SMARCD2: variants seen among roughly 807,000 people sequenced by gnomAD.
The protein encoded by SMARCD2 is SWI/SNF related BAF chromatin remodeling complex subunit D2.
In SMARCD2, 39 loss-of-function variants were observed where a neutral mutation model predicts 70.4. The observed-to-expected ratio is 0.55, with a 90% CI of 0.43 to 0.72. The LOEUF (loss-of-function observed/expected upper bound fraction) is 0.72. Ranked by LOEUF, SMARCD2 falls within the 30% of genes least tolerant of loss-of-function variation. The pLI, the probability that SMARCD2 is intolerant of heterozygous loss-of-function variation, is 0.00. For missense variants in SMARCD2, 540 were observed against 713.4 expected (o/e 0.76, Z 2.77); for synonymous variants, 249 against 279.4 (o/e 0.89, Z 1.08).
chr17:63,838,521 T>C, intron 1 of SMARCD2: 1 of 1,163,314 alleles, frequency 8.6e-7, no homozygotes, highest in Non-Finnish European at 1.1e-6. Context: ...AAGATTATCC[T>C]GGGAGGCAAG....
Position 63,832,988 on chromosome 17 carries a change from G to A in SMARCD2, c.1546C>T (p.Gln516Ter), listed in dbSNP as rs761422612. Residue 516 changes from glutamine (Q) to a stop codon, truncating the protein, a stop_gained, in exon 13 of 13, where the codon CAG (glutamine) becomes TAG (stop). Coordinates refer to ENST00000448276, the MANE Select transcript of SMARCD2 (RefSeq NM_001098426.2). LOFTEE classifies it high-confidence loss of function. ...TGTTCCAGTTCCTGCCTTCGCTGCT[G>A]CACCTGGAGAAGGGAGAAACCAAGT... ...AVGRHIFAKV[Q>*]QRRQELEQVL... 6.3e-7 allele frequency: 1 copy of A among 1,586,476 alleles called. No homozygotes were observed. Among genetic ancestry groups the A allele is most frequent in the Non-Finnish European group, 8.6e-7 (1 of 1,167,632 alleles).
Position 63,842,471 on chromosome 17 carries a change from C to T in SMARCD2, c.204G>A (p.Ala68=), listed in dbSNP as rs1397573053. 1.3e-5 allele frequency: 16 copies of T among 1,252,660 alleles called. No individual in the cohort carries two copies. Among genetic ancestry groups the T allele is most frequent in the African/African-American group, 1.6e-5 (1 of 63,604 alleles). 77.6% of individuals were successfully genotyped at this position (1,252,660 alleles called of 1,614,324 possible). A position where few individuals can be genotyped will look rare whatever the true frequency, so the allele number is the denominator to read the frequency against. Residue 68 remains alanine (A), a synonymous_variant, in exon 1 of 13, where the codon GCG becomes GCA. Coordinates refer to ENST00000448276, the MANE Select transcript of SMARCD2 (RefSeq NM_001098426.2). ...CCTCCTTGCTCACCTGGTACTGCGC[C>T]GCGGGGCCCGCGGGGCCCATGGGGC... ...AFRPMGPAGP[A]AQYQRPGMSP...
At chr17:63,838,999 C>T (rs543432193) in intron 1 of SMARCD2, 21 of 985,234 alleles carry the variant, frequency 2.1e-5, no homozygotes, top group Middle Eastern at 1.0e-3. Context: ...CAGGGTGGGA[C>T]GGAAGTGTTT....
rs2040224239 is a variant in SMARCD2, at chr17:63,833,632, C to T, written c.1272G>A (p.Leu424=). Residue 424 remains leucine (L), a synonymous_variant, in exon 10 of 13, where the codon CTG becomes CTA. Coordinates refer to ENST00000448276, the MANE Select transcript of SMARCD2 (RefSeq NM_001098426.2). This position sits in a 1 kb window ranked among gnomAD's most constrained non-coding sequence, Gnocchi z 4.3. ...DPLKAQMSNF[L]ASTTNQQEIA... is the part of the protein sequence containing the mutation. ...TCTCCTGCTGATTGGTGGTAGAGGCCAGAAAATTGCTCATTTGGGCCTTCA... is the reference window on the plus strand; with the variant it reads ...TCTCCTGCTGATTGGTGGTAGAGGCTAGAAAATTGCTCATTTGGGCCTTCA... The T allele has an allele frequency of 1.2e-6, 2 of 1,613,862 alleles. No individual in the cohort carries two copies. Among genetic ancestry groups the T allele is most frequent in the African/African-American group, 2.7e-5 (2 of 74,912 alleles).
rs1351496418 is a variant in SMARCD2 at position 63,832,202 on chromosome 17, T to C, written c.*736A>G. ...AACACCAGTCCTCCCAGCCTCCCCA[T>C]TCACCTTACCCTGGCCTCCACATGC... On this transcript the variant is annotated 3_prime_UTR_variant, in exon 13 of 13. Transcript: ENST00000448276. The C allele has an allele frequency of 3.5e-6, 2 of 577,184 alleles. No individual in the cohort carries two copies. Among genetic ancestry groups the C allele is most frequent in the Non-Finnish European group, 6.2e-6 (2 of 322,680 alleles). The allele number at this position is 577,184 out of a possible 1,614,324, so 35.8% of individuals were successfully genotyped here. A position where few individuals can be genotyped will look rare whatever the true frequency, so the allele number is the denominator to read the frequency against.
rs1259811612 is a variant in SMARCD2 at position 63,833,200 on chromosome 17, A to G, written c.1441-30T>C. The G allele has an allele frequency of 6.2e-7, 1 of 1,609,556 alleles. No individual in the cohort carries two copies. The highest frequency in any genetic ancestry group is 8.5e-7 in the Non-Finnish European group (1 of 1,177,168). On this transcript the variant is annotated intron_variant, in intron 11 of 12. Transcript: ENST00000448276. This position sits in a 1 kb window ranked among gnomAD's most constrained non-coding sequence, Gnocchi z 4.3. The stretch of plus-strand genomic sequence containing the variant: ...AAAGAGCCAGGAGGAAAGCCATAGC[A>G]TAATCCCCACCCCTGGGCTAATCCA...
At position 63,832,934 on chromosome 17, in the gene SMARCD2, G is replaced by A. The variant is rs1401897514; in HGVS notation, c.*4C>T. The A allele has an allele frequency of 3.2e-6, 5 of 1,560,748 alleles. No individual in the cohort carries two copies. The highest frequency in any genetic ancestry group is 2.7e-5 in the African/African-American group (2 of 73,350). ...CAGGGCTGGGAAGAAAGATCCCTGA[G>A]CAGTTAGGTCAGGCGAATTCCCAGC... is the stretch of plus-strand genomic sequence containing the variant. On this transcript the variant is annotated 3_prime_UTR_variant, in exon 13 of 13. Coordinates refer to ENST00000448276, the MANE Select transcript of SMARCD2 (RefSeq NM_001098426.2).
At position 63,832,847 on chromosome 17, in the gene SMARCD2, C is replaced by CACCCCAGCCTACGTGTCTGCG. The variant is rs2040209300; in HGVS notation, c.*70_*90dup. 9.4e-7 allele frequency: 1 copy of CACCCCAGCCTACGTGTCTGCG among 1,064,980 alleles called. No individual in the cohort carries two copies. The highest frequency in any genetic ancestry group is 1.6e-5 in the African/African-American group (1 of 63,512). The allele number at this position is 1,064,980 out of a possible 1,614,324, so 66.0% of individuals were successfully genotyped here. The stretch of plus-strand genomic sequence containing the variant: ...GTAGAGGGTGACAGCAGACACTCCT[C>CACCCCAGCCTACGTGTCTGCG]ACCCCAGCCTACGTGTCTGCGGCCC... On this transcript the variant is annotated 3_prime_UTR_variant, in exon 13 of 13. Coordinates refer to ENST00000448276, the MANE Select transcript of SMARCD2 (RefSeq NM_001098426.2).
At position 63,833,208 on chromosome 17, in the gene SMARCD2, C is replaced by T; in HGVS notation, c.1441-38G>A. Reference sequence around the variant, plus strand: ...AGGAGGAAAGCCATAGCATAATCCCCACCCCTGGGCTAATCCACCCTGGGA... The same window carrying T: ...AGGAGGAAAGCCATAGCATAATCCCTACCCCTGGGCTAATCCACCCTGGGA... On this transcript the variant is annotated intron_variant, in intron 11 of 12. Coordinates refer to ENST00000448276, the MANE Select transcript of SMARCD2 (RefSeq NM_001098426.2). The surrounding 1 kb of genome is among the most constrained non-coding windows in gnomAD (Gnocchi z 4.3). 6.2e-7 allele frequency: 1 copy of T among 1,608,848 alleles called. No individual in the cohort carries two copies. The highest frequency in any genetic ancestry group is 8.5e-7 in the Non-Finnish European group (1 of 1,176,250).
chr17:63,838,711 C>T, intron 1 of SMARCD2: 1 of 1,385,824 alleles, frequency 7.2e-7, no homozygotes, highest in South Asian at 1.6e-5. Flanking sequence ...TGTTTGGCAG[C>T]TCTGCCTTGC....
At chr17:63,836,498 C>CGGAA (rs1214342690) in intron 4 of SMARCD2, among the ~76,000 whole-genome samples, 2 of 98,224 alleles carry the variant, frequency 2.0e-5, no homozygotes, top group African/African-American at 4.3e-5. Context: ...GACTCCATCT[C>CGGAA]AGAAAAAAAA....
At chr17:63,836,312 C>A (rs545806938) in intron 4 of SMARCD2, among the ~76,000 whole-genome samples, 39 of 151,762 alleles carry the variant, frequency 2.6e-4, no homozygotes, top group Non-Finnish European at 5.0e-4. Flanking sequence ...AGTTCGAGAC[C>A]AGCCTGGGTA....
Position 63,836,896 on chromosome 17 carries a change from C to T in SMARCD2, c.567+26G>A, listed in dbSNP as rs757812171. ...TGGAAGGCAAGGAAACCTGGGAAGGCTAGAGGTGGTCAGGGCCACACATAC... is the reference window on the plus strand; with the variant it reads ...TGGAAGGCAAGGAAACCTGGGAAGGTTAGAGGTGGTCAGGGCCACACATAC... On this transcript the variant is annotated intron_variant, in intron 4 of 12. Transcript: ENST00000448276. 5.0e-6 allele frequency: 8 copies of T among 1,601,486 alleles called. No individual in the cohort carries two copies. In the East Asian group the frequency reaches 1.1e-4, roughly 22 times the overall value.
chr17:63,832,961 C>T lies in SMARCD2; in HGVS notation c.1573G>A (p.Val525Met). The T allele has an allele frequency of 6.3e-7, 1 of 1,577,410 alleles. No individual in the cohort carries two copies. The highest frequency in any genetic ancestry group is 1.4e-5 in the African/African-American group (1 of 73,988). ...AGTTAGGTCAGGCGAATTCCCAGCA[C>T]CTGTTCCAGTTCCTGCCTTCGCTGC... ...VQQRRQELEQ[V>M]LGIRLT Residue 525 changes from valine to methionine, a missense_variant, in exon 13 of 13, where the codon GTG (valine) becomes ATG (methionine). Physicochemically the swap from Val to Met is conservative, Grantham distance 21 (BLOSUM62 1). Coordinates refer to ENST00000448276, the MANE Select transcript of SMARCD2 (RefSeq NM_001098426.2).
intron 1 of SMARCD2, among the ~76,000 whole-genome samples, chr17:63,841,559 A>G (rs1444297916): frequency 6.6e-6 from 1 of 152,262 alleles, no homozygotes; most frequent in Non-Finnish European, 1.5e-5. Flanking sequence ...ACAGCAGACT[A>G]GAGCACTGGC....
intron 4 of SMARCD2, among the ~76,000 whole-genome samples, chr17:63,836,018 C>T (rs1001461166): frequency 6.6e-6 from 1 of 152,082 alleles, no homozygotes; most frequent in Admixed American, 6.5e-5. Context: ...TGTGAGCCAC[C>T]GCACCTGGCC....
chr17:63,833,513 T>C lies in SMARCD2; in HGVS notation c.1317+74A>G. Reference sequence around the variant, plus strand: ...CATCCCGTCCTCCAGGTGCTACATGTATGGAAATGCTGGACAGAGCCAGCC... The same window carrying C: ...CATCCCGTCCTCCAGGTGCTACATGCATGGAAATGCTGGACAGAGCCAGCC... On this transcript the variant is annotated intron_variant, in intron 10 of 12. Transcript: ENST00000448276. The surrounding 1 kb of genome is among the most constrained non-coding windows in gnomAD (Gnocchi z 4.3). The C allele has an allele frequency of 3.1e-6, 5 of 1,610,356 alleles. No homozygotes were observed. Among genetic ancestry groups the C allele is most frequent in the Non-Finnish European group, 4.2e-6 (5 of 1,177,260 alleles).
intron 1 of SMARCD2, chr17:63,839,041 T>G: frequency 1.0e-6 from 1 of 985,260 alleles, no homozygotes; most frequent in Non-Finnish European, 1.2e-6. Context: ...TGGGGGGCTC[T>G]GGGGCTTTGG....
chr17:63,842,504 G>T lies in SMARCD2; in HGVS notation c.171C>A (p.Ala57=). The T allele has an allele frequency of 8.1e-7, 1 of 1,233,346 alleles. No individual in the cohort carries two copies. Among genetic ancestry groups the T allele is most frequent in the South Asian group, 3.5e-5 (1 of 28,942 alleles). The allele number at this position is 1,233,346 out of a possible 1,614,324, so 76.4% of individuals were successfully genotyped here. ...PAGGVGGPGA[A]AFRPMGPAGP... ...CCGCGGGGCCCATGGGGCGGAAGGC[G>T]GCGGCCCCGGGGCCCCCCACGCCTC... Residue 57 remains alanine, a synonymous_variant, in exon 1 of 13, where the codon GCC becomes GCA. Coordinates refer to ENST00000448276, the MANE Select transcript of SMARCD2 (RefSeq NM_001098426.2).
Sources: allele counts gnomAD v4.1 joint callset (sites outside exome capture counted in the v4.1 genomes callset), GRCh38; gene constraint gnomAD v4.1.1; non-coding constraint Gnocchi (gnomAD v3.1); transcripts MANE v1.5; gene names NCBI Gene and HGNC (gene_info 2026-07-23, HGNC 2026-07-21).